Variants in MMS19 observed in about 807,000 individuals in gnomAD.
MMS19 encodes MMS19 nucleotide excision repair protein homolog.
A neutral mutation model predicts 129.8 loss-of-function variants in MMS19; 77 were observed. The observed-to-expected ratio is 0.59, with a 90% CI of 0.49 to 0.72. MMS19 has a LOEUF of 0.72. Ranked by LOEUF, MMS19 falls within the 30% of genes least tolerant of loss-of-function variation. The probability of loss-of-function intolerance (pLI) is 0.00; values close to 1 mark genes in which losing one functional copy is unlikely to be tolerated. For synonymous variants in MMS19, 491 were observed against 502.8 expected (o/e 0.98, Z 0.31); for missense variants, 1,168 against 1,266.3 (o/e 0.92, Z 1.18).
At chr10:97,484,656 T>C (rs189150545) in intron 1 of MMS19, among the ~76,000 whole-genome samples, 35 of 152,274 alleles carry the variant, frequency 2.3e-4, no homozygotes, top group African/African-American at 7.5e-4. Flanking sequence ...TGGTGGCTCA[T>C]GTCTGTAATC....
chr10:97,484,060 C>T (rs1212792681), intron 2 of MMS19, 43 bp downstream of exon 2: 2 of 1,327,238 alleles, frequency 1.5e-6, no homozygotes. Context: ...TCAGAATACA[C>T]AGTCAGGGTT....
chr10:97,462,518 G>C, intron 20 of MMS19, 65 bp downstream of exon 20: 1 of 1,176,356 alleles, frequency 8.5e-7, no homozygotes, highest in Non-Finnish European at 1.3e-6. Context: ...GCAGCTACCT[G>C]TTGCTTCTTC....
chr10:97,497,778 C>A (rs556804029), intron 1 of MMS19, among the ~76,000 whole-genome samples: 2 of 152,222 alleles, frequency 1.3e-5, no homozygotes, highest in Non-Finnish European at 2.9e-5. Flanking sequence ...CCTCCTGGCC[C>A]GTCTCCTCAA....
At chr10:97,469,853 C>A in intron 10 of MMS19, 130 bp from the exon 11 acceptor site, 1 of 734,378 alleles carries the variant, frequency 1.4e-6, no homozygotes, top group Non-Finnish European at 2.3e-6. Flanking sequence ...TTTTAACAGT[C>A]CTACTAAGGG....
rs573198988 is a variant in MMS19, at chr10:97,490,749, C to G, written c.113-6598G>C. On this transcript the variant is annotated intron_variant, in intron 1 of 30. Coordinates refer to ENST00000438925, the MANE Select transcript of MMS19 (RefSeq NM_022362.5). Reference sequence around the variant, plus strand: ...TCACTCTAGCACCACAGTAAGAAGTCGTCCAATGAGACTGAGGAAAATGAG... The same window carrying G: ...TCACTCTAGCACCACAGTAAGAAGTGGTCCAATGAGACTGAGGAAAATGAG... Among the ~76,000 whole-genome samples, 15 of 152,324 alleles carry G rather than the reference C, an allele frequency of 9.8e-5. No individual in the cohort carries two copies. In the South Asian group the frequency reaches 3.1e-3, roughly 32 times the overall value.
Position 97,465,935 on chromosome 10 carries a change from G to C in MMS19, c.1626C>G (p.Asn542Lys), listed in dbSNP as rs552022013. 2 of 1,613,834 alleles carry C rather than the reference G, an allele frequency of 1.2e-6. No homozygotes were observed. Among genetic ancestry groups the C allele is most frequent in the Non-Finnish European group, 1.7e-6 (2 of 1,179,844 alleles). ...ELRVGESNLT[N>K]GDEPTQCSRH... The stretch of plus-strand genomic sequence containing the variant: ...GGGAGCATTGGGTGGGCTCATCTCC[G>C]TTAGTCAAATTTGACTCCCCTGAAA... The change falls in exon 18 of 31, where the codon AAC becomes AAG. Residue 542 changes from asparagine (N) to lysine (K), a missense_variant. Around this residue, in one of 3 missense-constraint regions of MMS19, gnomAD observed 831 missense variants for 910.8 expected, o/e 0.91. Transcript: ENST00000438925.
intron 6 of MMS19, 29 bp downstream of exon 6, chr10:97,477,318 G>C (rs576793631): frequency 6.2e-7 from 1 of 1,613,836 alleles, no homozygotes; most frequent in South Asian, 1.1e-5. Context: ...GCTTGCTTTT[G>C]ACATTTCCCA....
chr10:97,470,325 T>C (rs2034419899), intron 9 of MMS19, 122 bp from the exon 10 acceptor site: 7 of 713,962 alleles, frequency 9.8e-6, no homozygotes, highest in Non-Finnish European at 1.7e-5. Context: ...TGTACTCAAG[T>C]CAGGAGCTAT....
At chr10:97,475,251 C>T (rs577984398) in intron 8 of MMS19, among the ~76,000 whole-genome samples, 79 of 152,052 alleles carry the variant, frequency 5.2e-4, no homozygotes, top group African/African-American at 1.8e-3. Context: ...CATGTGCACA[C>T]ATTGATTTTA....
chr10:97,459,191 CCAGGCCAG>C (rs1284230014), intron 29 of MMS19, 24 bp downstream of exon 29: 1 of 1,598,696 alleles, frequency 6.3e-7, no homozygotes, highest in African/African-American at 1.3e-5. Context: ...TGAGATGTTC[CCAGGCCAG>C]GGAAGGACAC....
chr10:97,485,984 A>G (rs1393407279), intron 1 of MMS19, among the ~76,000 whole-genome samples: 1 of 152,262 alleles, frequency 6.6e-6, no homozygotes, highest in Non-Finnish European at 1.5e-5. Context: ...GTACATATCC[A>G]AAGGAAATGA....
chr10:97,464,175 C>A (rs1317086301), intron 18 of MMS19, among the ~76,000 whole-genome samples, 162 bp from the exon 19 acceptor site: 1 of 152,224 alleles, frequency 6.6e-6, no homozygotes, highest in East Asian at 1.9e-4. Context: ...TCTTTCTGAT[C>A]TATTCAGACT....
At chr10:97,476,619 A>C in intron 8 of MMS19, 64 bp downstream of exon 8, 1 of 1,506,950 alleles carries the variant, frequency 6.6e-7, no homozygotes, top group Non-Finnish European at 9.2e-7. Context: ...AGTGCCCAGA[A>C]CAGGGCTTGG....
chr10:97,461,417 A>C lies in MMS19; in HGVS notation c.2311+79T>G, dbSNP rs2031871060. On this transcript the variant is annotated intron_variant, in intron 23 of 30. Coordinates refer to ENST00000438925, the MANE Select transcript of MMS19 (RefSeq NM_022362.5). ...AATGTTATTAGCAAGCTCCTTTTAA[A>C]AAGAGAATGAGTACTGAGCTATAAG... The C allele has an allele frequency of 2.0e-6, 3 of 1,509,688 alleles. No individual in the cohort carries two copies. The Admixed American group carries it at 6.0e-5, about 30-fold the overall frequency. 93.5% of individuals were successfully genotyped at this position (1,509,688 alleles called of 1,614,324 possible).
rs768046328 is a variant in MMS19, at chr10:97,468,320, G to C, written c.1150C>G (p.Arg384Gly). Residue 384 changes from arginine to glycine, a missense_variant, in exon 13 of 31, where the codon CGG becomes GGG. Physicochemically the swap from Arg to Gly is moderately radical, Grantham distance 125 (BLOSUM62 -2). Transcript: ENST00000438925. ...LLQAAAGASA[R>G]ACDSVTSNVL... is the part of the protein sequence containing the mutation. ...TTGCTGGTGACAGAGTCACAGGCCC[G>C]GGCAGATGCACCTGCAGCTGCCTGC... 12 of 1,612,066 alleles carry C rather than the reference G, an allele frequency of 7.4e-6. No homozygotes were observed. In the Admixed American group the frequency reaches 1.8e-4, roughly 25 times the overall value.
At chr10:97,470,919 G>C (rs1454135946) in intron 8 of MMS19, 58 bp from the exon 9 acceptor site, 5 of 1,448,240 alleles carry the variant, frequency 3.5e-6, no homozygotes, top group Non-Finnish European at 4.8e-6. Flanking sequence ...CTTGAACACA[G>C]GCTCGAACCT....
intron 1 of MMS19, among the ~76,000 whole-genome samples, chr10:97,487,753 A>G (rs1376308036): frequency 6.6e-6 from 1 of 152,254 alleles, no homozygotes; most frequent in African/African-American, 2.4e-5. Flanking sequence ...AAGTCTTATA[A>G]CAAAAGGCCA....
At chr10:97,498,777 G>A (rs29001242), upstream of MMS19, 1,022 of 273,302 alleles carry the variant, frequency 3.7e-3, 11 homozygotes, top group African/African-American at 0.021. Context: ...GGCGGGTGGT[G>A]GCGGCGGCGC....
intron 1 of MMS19, among the ~76,000 whole-genome samples, chr10:97,490,239 C>T (rs890587016): frequency 1.3e-5 from 2 of 151,984 alleles, no homozygotes; most frequent in African/African-American, 2.4e-5. Flanking sequence ...CCACCATGCC[C>T]GCCTAATTTT....
Sources: gnomAD v4.1 joint callset for allele counts (sites outside exome capture counted in the v4.1 genomes callset) on GRCh38, gnomAD v4.1.1 for gene constraint, gnomAD v4.1.1 regional missense constraint, MANE v1.5 for transcripts, NCBI Gene and HGNC (gene_info 2026-07-23, HGNC 2026-07-21) for gene names.